FHIT: variants seen among roughly 807,000 people sequenced by gnomAD.
FHIT encodes bis(5'-adenosyl)-triphosphatase.
Under a neutral mutation model 17.9 loss-of-function variants are expected in FHIT, and 19 were observed. That is an observed-to-expected ratio of 1.06 (90% CI 0.74 to 1.56). The LOEUF is 1.56. Ranked by LOEUF, FHIT falls within the 40% of genes most tolerant of loss-of-function variation. The pLI is 0.00. For missense variants in FHIT, 248 were observed against 189.2 expected, an observed-to-expected ratio of 1.31 and a Z score of -1.82; for synonymous variants, 81 against 69.7, an observed-to-expected ratio of 1.16 and a Z score of -0.81.
intron 5 of FHIT, among the ~76,000 whole-genome samples, chr3:60,391,447 C>A (rs1701230311): frequency 6.6e-6 from 1 of 152,124 alleles, no homozygotes; most frequent in Non-Finnish European, 1.5e-5. Flanking sequence ...TCTACAGAGG[C>A]ATACAGTAAT....
chr3:60,047,351 C>G (rs1701695186), intron 5 of FHIT, among the ~76,000 whole-genome samples: 1 of 152,204 alleles, frequency 6.6e-6, no homozygotes, highest in Non-Finnish European at 1.5e-5. Context: ...AGGTTAATCT[C>G]TCAGTGCTTC....
chr3:60,413,452 G>C (rs1702137557), intron 5 of FHIT, among the ~76,000 whole-genome samples: 1 of 152,152 alleles, frequency 6.6e-6, no homozygotes, highest in African/African-American at 2.4e-5. Flanking sequence ...TTGGCCAATA[G>C]AGTTAAAGGT....
intron 7 of FHIT, among the ~76,000 whole-genome samples, chr3:59,963,141 C>A (rs1707762282): frequency 6.6e-6 from 1 of 152,076 alleles, no homozygotes; most frequent in African/African-American, 2.4e-5. Context: ...TGGCAGGCAC[C>A]TGTAGTCCCC....
chr3:59,928,487 A>C lies in FHIT; in HGVS notation c.280-6073T>G, dbSNP rs377714287. On this transcript the variant is annotated intron_variant, in intron 7 of 9. Coordinates refer to ENST00000492590, the MANE Select transcript of FHIT (RefSeq NM_002012.4). ...GACTGGCAGAAAGGATTTGCAAATC[A>C]CCTATCTGATAAGGGAAGTATATCT... Among the ~76,000 whole-genome samples the C allele has an allele frequency of 7.0e-4, 106 of 152,354 alleles. 1 individual carries two copies. The highest frequency in any genetic ancestry group is 2.4e-3 in the African/African-American group (99 of 41,584).
chr3:60,858,970 T>G (rs2594125), intron 3 of FHIT, among the ~76,000 whole-genome samples: 146,158 of 152,252 alleles, frequency 0.96, 70,457 homozygotes, highest in East Asian at 1. Context: ...CTATTCATCT[T>G]TGATCCAGAC....
chr3:60,551,215 T>A lies in FHIT; in HGVS notation c.-17-14236A>T, dbSNP rs1281784200. Among the ~76,000 whole-genome samples the A allele has an allele frequency of 2.6e-5, 4 of 151,730 alleles. No individual in the cohort carries two copies. The East Asian group carries it at 5.9e-4, about 23-fold the overall frequency. On this transcript the variant is annotated intron_variant, in intron 4 of 9. Coordinates refer to ENST00000492590, the MANE Select transcript of FHIT (RefSeq NM_002012.4). ...TGAAAGATGAGCAGGGATCAGATCA[T>A]ACAAGGTCTTGTGTGGCGTTTCACT... is the stretch of plus-strand genomic sequence containing the variant.
intron 8 of FHIT, among the ~76,000 whole-genome samples, chr3:59,900,290 T>G (rs1704268453): frequency 6.6e-6 from 1 of 152,136 alleles, no homozygotes. Flanking sequence ...GAATGGTTCC[T>G]CCCAGCAGTT....
intron 5 of FHIT, among the ~76,000 whole-genome samples, chr3:60,433,585 G>A (rs2029931910): frequency 6.6e-6 from 1 of 151,966 alleles, no homozygotes; most frequent in South Asian, 2.1e-4. Flanking sequence ...TTGGGTTTTG[G>A]GTTTGCTTTT....
chr3:60,505,372 A>T (rs2034686877), intron 5 of FHIT, among the ~76,000 whole-genome samples: 1 of 152,204 alleles, frequency 6.6e-6, no homozygotes, highest in Non-Finnish European at 1.5e-5. Flanking sequence ...GCATCTGTGT[A>T]AAGGGCCATT....
At chr3:60,159,001 T>C (rs1214617325) in intron 5 of FHIT, among the ~76,000 whole-genome samples, 1 of 152,178 alleles carries the variant, frequency 6.6e-6, no homozygotes, top group Non-Finnish European at 1.5e-5. Context: ...TAGAGGGCAT[T>C]AATTCTGATT....
At chr3:59,863,550 C>A (rs574413311) in intron 8 of FHIT, among the ~76,000 whole-genome samples, 2 of 152,266 alleles carry the variant, frequency 1.3e-5, no homozygotes, top group South Asian at 4.1e-4. Flanking sequence ...GACCATAAAC[C>A]CAATGAAGCC....
At chr3:59,815,551 C>T (rs1425091165) in intron 8 of FHIT, among the ~76,000 whole-genome samples, 1 of 152,018 alleles carries the variant, frequency 6.6e-6, no homozygotes, top group Non-Finnish European at 1.5e-5. Flanking sequence ...ACTACTCAGC[C>T]ATAAAAAGGA....
chr3:60,285,683 A>C (rs1480603020), intron 5 of FHIT, among the ~76,000 whole-genome samples: 1 of 152,194 alleles, frequency 6.6e-6, no homozygotes, highest in African/African-American at 2.4e-5. Flanking sequence ...CTTTAAAAGA[A>C]GACTGAGAAA....
At chr3:60,314,884 G>C (rs1709098321) in intron 5 of FHIT, among the ~76,000 whole-genome samples, 1 of 152,020 alleles carries the variant, frequency 6.6e-6, no homozygotes, top group South Asian at 2.1e-4. Flanking sequence ...CCAAGTTCAA[G>C]AATAGCCTGG....
chr3:60,395,970 A>G (rs993741473), intron 5 of FHIT, among the ~76,000 whole-genome samples: 3 of 151,948 alleles, frequency 2.0e-5, no homozygotes, highest in African/African-American at 7.3e-5. Flanking sequence ...AATAATGTCA[A>G]CTCCACAACA....
intron 2 of FHIT, among the ~76,000 whole-genome samples, chr3:61,085,985 A>G (rs958968333): frequency 3.9e-5 from 6 of 152,270 alleles, no homozygotes; most frequent in East Asian, 1.9e-4. Context: ...GATGTTTTAT[A>G]CTGACTTTGT....
At chr3:60,241,789 T>C (rs1379157735) in intron 5 of FHIT, among the ~76,000 whole-genome samples, 2 of 152,140 alleles carry the variant, frequency 1.3e-5, no homozygotes, top group African/African-American at 4.8e-5. Flanking sequence ...TTCTGTTTTT[T>C]AATTTTACTC....
intron 2 of FHIT, among the ~76,000 whole-genome samples, chr3:61,102,617 G>A (rs2035867152): frequency 6.6e-6 from 1 of 152,100 alleles, no homozygotes; most frequent in Non-Finnish European, 1.5e-5. Flanking sequence ...TGGAATAGTT[G>A]CAGAAGGAAT....
At chr3:60,331,888 A>G (rs960060757) in intron 5 of FHIT, among the ~76,000 whole-genome samples, 7 of 151,668 alleles carry the variant, frequency 4.6e-5, no homozygotes, top group Middle Eastern at 3.4e-3. Flanking sequence ...AATATACTCT[A>G]CTGACACTCC....
Sources: allele counts gnomAD v4.1 joint callset (sites outside exome capture counted in the v4.1 genomes callset), GRCh38; gene constraint gnomAD v4.1.1; transcripts MANE v1.5; gene names NCBI Gene and HGNC (gene_info 2026-07-23, HGNC 2026-07-21).